Variants in UMOD observed in about 807,000 individuals in gnomAD.
The protein encoded by UMOD is uromodulin.
UMOD carries 64 observed loss-of-function variants against 66.0 expected under a neutral mutation model. That is an observed-to-expected ratio of 0.97 (90% CI 0.79 to 1.19). UMOD has a LOEUF of 1.19. Among genes scored for constraint, UMOD ranks in the 50% most tolerant of loss-of-function variants. UMOD has a pLI of 0.00. For missense variants in UMOD, 764 were observed against 850.9 expected (o/e 0.90, Z 1.27); for synonymous variants, 398 against 352.7 (o/e 1.13, Z -1.44).
At chr16:20,334,255 G>T (rs983240336) in intron 10 of UMOD, among the ~76,000 whole-genome samples, 1 of 151,942 alleles carries the variant, frequency 6.6e-6, no homozygotes, top group Non-Finnish European at 1.5e-5. Context: ...GTTTGCCCCA[G>T]CACTAAGCAT....
In UMOD at chr16:20,340,472, G is replaced by GTATATA. The variant is rs10533543; in HGVS notation, c.1577+613_1577+618dup. Among the ~76,000 whole-genome samples, 178 of 112,530 alleles carry GTATATA rather than the reference G, an allele frequency of 1.6e-3. No homozygotes were observed. In the East Asian group the frequency reaches 0.021, roughly 13 times the overall value. 73.8% of individuals were successfully genotyped at this position (112,530 alleles called of 152,430 possible). A position where few individuals can be genotyped will look rare whatever the true frequency, so the allele number is the denominator to read the frequency against. ...TGTGTGTATATATATGTGTGTGTGT[G>GTATATA]TATATATATATATATATATATAATA... On this transcript the variant is annotated intron_variant, in intron 7 of 10. Coordinates refer to ENST00000396138, the MANE Select transcript of UMOD (RefSeq NM_003361.4).
intron 2 of UMOD, chr16:20,349,990 G>A: frequency 9.3e-7 from 1 of 1,079,006 alleles, no homozygotes; most frequent in Non-Finnish European, 1.3e-6. Context: ...CTTCCCAAGG[G>A]CCTCGTGAGG....
chr16:20,342,504 C>T (rs758829577), intron 6 of UMOD: 1 of 152,264 alleles, frequency 6.6e-6, no homozygotes, highest in African/African-American at 2.4e-5. Flanking sequence ...CTTCTTCCTC[C>T]AAGTCAGCTG....
At chr16:20,349,608 G>T (rs1965789971) in intron 2 of UMOD, 1 of 1,396,718 alleles carries the variant, frequency 7.2e-7, no homozygotes, top group South Asian at 1.6e-5. Context: ...GTGCAATCGC[G>T]CCCAGCTCCA....
chr16:20,343,973 G>T (rs555903392), intron 6 of UMOD, 51 bp downstream of exon 6: 1 of 1,609,222 alleles, frequency 6.2e-7, no homozygotes, highest in Admixed American at 1.7e-5. Flanking sequence ...ATGGTTAAGG[G>T]GTTTGGGGTT....
upstream of UMOD, among the ~76,000 whole-genome samples, chr16:20,354,066 T>A (rs1159910658): frequency 2.0e-5 from 3 of 152,216 alleles, no homozygotes; most frequent in Admixed American, 2.0e-4. Flanking sequence ...TTCATCCATG[T>A]CCCTACAAAG....
chr16:20,340,438 T>TTGTGTGTGTGTGTGTATATA (rs1555485786), intron 7 of UMOD, among the ~76,000 whole-genome samples: 3 of 140,612 alleles, frequency 2.1e-5, no homozygotes, highest in Non-Finnish European at 4.5e-5. Flanking sequence ...CATTATATCT[T>TTGTGTGTGTGTGTGTATATA]TGTGTGTGTG....
At position 20,335,465 on chromosome 16, in the gene UMOD, A is replaced by G; in HGVS notation, c.1861+17T>C. ...AGTTCTGGAACAGGTCCCACTGCAG[A>G]AAGGACCTGAACTTACCCAAGCTGC... On this transcript the variant is annotated intron_variant, in intron 10 of 10. Transcript: ENST00000396138. 1 of 1,613,738 alleles carries G rather than the reference A, an allele frequency of 6.2e-7. No homozygotes were observed. Among genetic ancestry groups the G allele is most frequent in the South Asian group, 1.1e-5 (1 of 91,046 alleles).
At chr16:20,350,925 AC>A in intron 1 of UMOD, 86 bp from the exon 2 acceptor site, 1 of 1,368,254 alleles carries the variant, frequency 7.3e-7, no homozygotes, top group Non-Finnish European at 9.8e-7. Flanking sequence ...ATAGTATACA[AC>A]TCCAGGAGGT....
At chr16:20,344,600 CA>C (rs11310838) in intron 5 of UMOD, among the ~76,000 whole-genome samples, 90,023 of 126,262 alleles carry the variant, frequency 0.71, 31,262 homozygotes, top group African/African-American at 0.76. Flanking sequence ...GATTCCATCT[CA>C]AAAAAAAAAA....
Position 20,341,119 on chromosome 16 carries a change from G to A in UMOD, c.1549C>T (p.Pro517Ser), listed in dbSNP as rs761838787. 6.2e-7 allele frequency: 1 copy of A among 1,614,168 alleles called. No individual in the cohort carries two copies. The highest frequency in any genetic ancestry group is 8.5e-7 in the Non-Finnish European group (1 of 1,180,026). ...YATPSSNATDPLKYFIIQDRC... is the reference protein window; with the variant it reads ...YATPSSNATDSLKYFIIQDRC... ...TCCTGGATGATGAAGTACTTCAGGG[G>A]GTCCGTGGCATTGCTACTGGGTGTG... Residue 517 changes from proline (P) to serine (S), a missense_variant, in exon 7 of 11, where the codon CCC (proline) becomes TCC (serine). By Grantham distance (74) the Pro-to-Ser change is moderately conservative. Transcript: ENST00000396138.
chr16:20,346,547 G>A (rs981409492), intron 4 of UMOD, among the ~76,000 whole-genome samples: 17 of 152,186 alleles, frequency 1.1e-4, no homozygotes, highest in African/African-American at 4.1e-4. Flanking sequence ...TCAGTCTTGG[G>A]TTCCCCTAAA....
At chr16:20,345,412 C>CTTTCTTTCTT (rs1965497514) in intron 5 of UMOD, among the ~76,000 whole-genome samples, 1 of 102,050 alleles carries the variant, frequency 9.8e-6, no homozygotes, top group Non-Finnish European at 1.9e-5. Context: ...TTCTTTCTTT[C>CTTTCTTTCTT]TTTCTTTCTT....
At chr16:20,337,968 A>C (rs1475380330) in intron 7 of UMOD, among the ~76,000 whole-genome samples, 3 of 152,194 alleles carry the variant, frequency 2.0e-5, no homozygotes, top group African/African-American at 7.2e-5. Flanking sequence ...TAGAGCATGC[A>C]GAGACTCCCA....
chr16:20,333,367 T>C lies in UMOD; in HGVS notation c.1870A>G (p.Lys624Glu), dbSNP rs1369368692. ...SRAFSSLGLL[K>E]VWLPLLLSAT... ...GAGAGAAGCAGAGGCAGCCAGACTT[T>C]CAGGAGCCCTGAAAAGAAAACAGTG... Residue 624 changes from lysine (K) to glutamate (E), a missense_variant, in exon 11 of 11, where the codon AAA becomes GAA. By Grantham distance (56) the Lys-to-Glu change is moderately conservative. Transcript: ENST00000396138. The C allele has an allele frequency of 1.2e-6, 2 of 1,612,552 alleles. No individual in the cohort carries two copies. Among genetic ancestry groups the C allele is most frequent in the Admixed American group, 3.3e-5 (2 of 59,838 alleles).
intron 8 of UMOD, among the ~76,000 whole-genome samples, 161 bp downstream of exon 8, chr16:20,337,130 C>T (rs983908733): frequency 1.3e-5 from 2 of 152,228 alleles, no homozygotes; most frequent in African/African-American, 4.8e-5. Flanking sequence ...CTGATTTCCC[C>T]TGCAGCTTAG....
At chr16:20,342,082 C>T (rs564603758) in intron 6 of UMOD, among the ~76,000 whole-genome samples, 2 of 152,348 alleles carry the variant, frequency 1.3e-5, no homozygotes, top group East Asian at 1.9e-4. Context: ...CTGTGGCTCA[C>T]GCCTGTAATC....
chr16:20,338,917 G>T (rs1478637541), intron 7 of UMOD, among the ~76,000 whole-genome samples: 2 of 152,050 alleles, frequency 1.3e-5, no homozygotes, highest in Admixed American at 1.3e-4. Context: ...CCACCACCAT[G>T]CCTGTCTAAT....
At chr16:20,355,344 C>T (rs142043305), upstream of UMOD, among the ~76,000 whole-genome samples, 1 of 152,038 alleles carries the variant, frequency 6.6e-6, no homozygotes, top group Non-Finnish European at 1.5e-5. Context: ...TGTTTTTGAA[C>T]GAACCTTAAT....
Sources: allele counts gnomAD v4.1 joint callset (sites outside exome capture counted in the v4.1 genomes callset), GRCh38; gene constraint gnomAD v4.1.1; transcripts MANE v1.5; gene names NCBI Gene and HGNC (gene_info 2026-07-23, HGNC 2026-07-21).